The following R3HDM2 variants were observed in gnomAD, a reference collection of about 807,000 sequenced individuals.
The protein encoded by R3HDM2 is R3H domain containing 2.
A neutral mutation model predicts 124.5 loss-of-function variants in R3HDM2; 38 were observed. That is an observed-to-expected ratio of 0.31 (90% CI 0.24 to 0.40). R3HDM2 has a LOEUF of 0.40. Among genes scored for constraint, R3HDM2 ranks in the 10% least tolerant of loss-of-function variants. R3HDM2 has a pLI of 1.00. For synonymous variants in R3HDM2, 391 were observed against 448.0 expected, an observed-to-expected ratio of 0.87 and a Z score of 1.61; for missense variants, 869 against 1,236.9, an observed-to-expected ratio of 0.70 and a Z score of 4.46.
intron 1 of R3HDM2, among the ~76,000 whole-genome samples, chr12:57,397,274 G>C (rs2067641411): frequency 6.6e-6 from 1 of 152,068 alleles, no homozygotes; most frequent in Admixed American, 6.6e-5. Flanking sequence ...ATTATTACAA[G>C]ACCCTGAGGG....
At chr12:57,259,684 C>G (rs941685207) in intron 19 of R3HDM2, among the ~76,000 whole-genome samples, 1 of 152,222 alleles carries the variant, frequency 6.6e-6, no homozygotes, top group Non-Finnish European at 1.5e-5. Flanking sequence ...GGAGATGAGA[C>G]ACGTTTATTT....
rs541038178 is a variant in R3HDM2 at position 57,306,307 on chromosome 12, GTTCT to G, written c.166-3094_166-3091del. On this transcript the variant is annotated intron_variant, in intron 3 of 23. Transcript: ENST00000402412. ...TGTTTGAAGAGAGTTAACACAGGCAGTTCTTTATTTCACAACCACCTTTCTAAAA... is the reference window on the plus strand; with the variant it reads ...TGTTTGAAGAGAGTTAACACAGGCAGTTATTTCACAACCACCTTTCTAAAA... 3.1e-4 allele frequency among the ~76,000 whole-genome samples: 47 copies of G among 152,250 alleles called. No homozygotes were observed. The East Asian group carries it at 8.9e-3, about 29-fold the overall frequency.
Position 57,256,512 on chromosome 12 carries a change from C to T in R3HDM2, c.2450-1G>A. 6.4e-7 allele frequency: 1 copy of T among 1,567,198 alleles called. No homozygotes were observed. The highest frequency in any genetic ancestry group is 8.7e-7 in the Non-Finnish European group (1 of 1,155,744). ...CCCAAAAGGGAGTAGCGCCCATCAC[C>T]TAGGGAGTAAGAGCAATTGGTTTTC... On this transcript the variant is annotated splice_acceptor_variant, in intron 21 of 23. Transcript: ENST00000402412. LOFTEE classifies it high-confidence loss of function.
intron 2 of R3HDM2, among the ~76,000 whole-genome samples, chr12:57,317,432 G>A (rs549654931): frequency 2.6e-5 from 4 of 151,796 alleles, no homozygotes; most frequent in East Asian, 3.9e-4. Context: ...CAATCCACCC[G>A]CCTTGGCCTC....
intron 1 of R3HDM2, among the ~76,000 whole-genome samples, chr12:57,408,348 T>C (rs1205306899): frequency 1.3e-5 from 2 of 152,212 alleles, no homozygotes; most frequent in Non-Finnish European, 2.9e-5. Context: ...ATTATAGGCA[T>C]GAGCCACCGC....
intron 2 of R3HDM2, 68 bp from the exon 3 acceptor site, chr12:57,310,531 AT>A (rs2053682546): frequency 1.3e-5 from 11 of 826,400 alleles, no homozygotes; most frequent in Non-Finnish European, 1.8e-5. Context: ...CAAGACTCGT[AT>A]TTCACACGGG....
In R3HDM2 at chr12:57,296,370, A is replaced by G; in HGVS notation, c.701+41T>C. 1 of 1,548,542 alleles carries G rather than the reference A, an allele frequency of 6.5e-7. No individual in the cohort carries two copies. The highest frequency in any genetic ancestry group is 1.4e-5 in the African/African-American group (1 of 73,086). Reference sequence around the variant, plus strand: ...CCTTCCTCTTCCAACCCAGCAGGTTATCCCAGGGAAGTCTTCCCAAACCAT... The same window carrying G: ...CCTTCCTCTTCCAACCCAGCAGGTTGTCCCAGGGAAGTCTTCCCAAACCAT... On this transcript the variant is annotated intron_variant, in intron 9 of 23. Coordinates refer to ENST00000402412, the MANE Select transcript of R3HDM2 (RefSeq NM_001394031.1). This position sits in a 1 kb window ranked among gnomAD's most constrained non-coding sequence, Gnocchi z 4.5.
At chr12:57,329,358 T>G (rs2057789191) in intron 2 of R3HDM2, among the ~76,000 whole-genome samples, 1 of 152,192 alleles carries the variant, frequency 6.6e-6, no homozygotes, top group African/African-American at 2.4e-5. Context: ...ACTTCGTAGA[T>G]CCACAAGAAT....
chr12:57,254,169 T>G lies in R3HDM2; in HGVS notation c.*604A>C. The G allele has an allele frequency of 2.2e-6, 1 of 456,068 alleles. No individual in the cohort carries two copies. The highest frequency in any genetic ancestry group is 4.4e-6 in the Non-Finnish European group (1 of 226,710). 28.3% of individuals were successfully genotyped at this position (456,068 alleles called of 1,614,324 possible). ...TCTACCTGACCAAAAAATGAGAAAT[T>G]AATTTTATGATAGGAGAAGAGATTT... On this transcript the variant is annotated 3_prime_UTR_variant, in exon 24 of 24. Coordinates refer to ENST00000402412, the MANE Select transcript of R3HDM2 (RefSeq NM_001394031.1).
chr12:57,404,064 A>ATTTTTTTTTTTTTTTTT lies in R3HDM2; in HGVS notation c.-105-8263_-105-8247dup, dbSNP rs767234283. On this transcript the variant is annotated intron_variant, in intron 1 of 23. Transcript: ENST00000402412. ...ATAAAATAAAAAAAGTCCACTCCTA[A>ATTTTTTTTTTTTTTTTT]TTTTTTTTTTTTTTTTTGAGATGGA... Among the ~76,000 whole-genome samples, 109 of 77,020 alleles carry ATTTTTTTTTTTTTTTTT rather than the reference A, an allele frequency of 1.4e-3. 8 individuals are homozygous for ATTTTTTTTTTTTTTTTT. The highest frequency in any genetic ancestry group is 1.8e-3 in the Non-Finnish European group (80 of 43,346). 50.5% of individuals were successfully genotyped at this position (77,020 alleles called of 152,430 possible).
chr12:57,391,320 G>A (rs995660473), intron 2 of R3HDM2, among the ~76,000 whole-genome samples: 11 of 152,238 alleles, frequency 7.2e-5, no homozygotes, highest in Non-Finnish European at 8.8e-5. Context: ...AAGCTAAGTG[G>A]GGCAGGGGTT....
chr12:57,375,451 T>C (rs1374314282), intron 2 of R3HDM2, among the ~76,000 whole-genome samples: 1 of 152,214 alleles, frequency 6.6e-6, no homozygotes, highest in Non-Finnish European at 1.5e-5. Context: ...CTGCCTCACC[T>C]ATTTTTAGAG....
chr12:57,345,141 A>G (rs527798741), intron 2 of R3HDM2, among the ~76,000 whole-genome samples: 1 of 151,068 alleles, frequency 6.6e-6, no homozygotes, highest in South Asian at 2.1e-4. Flanking sequence ...GCCTAAAAAA[A>G]TTTCCTTATT....
At chr12:57,371,083 CTTTTTTTTTTTTTTTTTT>C (rs775839017) in intron 2 of R3HDM2, among the ~76,000 whole-genome samples, 3 of 40,886 alleles carry the variant, frequency 7.3e-5, no homozygotes, top group Non-Finnish European at 8.8e-5. Context: ...TATACCATTA[CTTTTTTTTTTTTTTTTTT>C]TTTTTTTTTT....
At chr12:57,421,626 C>T (rs1485963076) in intron 1 of R3HDM2, among the ~76,000 whole-genome samples, 2 of 151,824 alleles carry the variant, frequency 1.3e-5, no homozygotes, top group African/African-American at 2.4e-5. Context: ...CCCACCTCAG[C>T]CTCCCAAATA....
chr12:57,313,882 GAAA>G (rs869177467), intron 2 of R3HDM2, among the ~76,000 whole-genome samples: 148 of 60,484 alleles, frequency 2.4e-3, no homozygotes, highest in Non-Finnish European at 2.6e-3. Context: ...TCCTGTCTCT[GAAA>G]AAAAAAAAAA....
intron 2 of R3HDM2, among the ~76,000 whole-genome samples, chr12:57,312,589 G>A (rs754514670): frequency 2.0e-5 from 3 of 152,030 alleles, no homozygotes; most frequent in African/African-American, 4.8e-5. Context: ...TATAGTTGAC[G>A]GCCAGGCACA....
At chr12:57,356,289 T>A (rs955141664) in intron 2 of R3HDM2, among the ~76,000 whole-genome samples, 1 of 152,114 alleles carries the variant, frequency 6.6e-6, no homozygotes, top group African/African-American at 2.4e-5. Context: ...TTTTTTTTTT[T>A]AAACCCAGTG....
intron 19 of R3HDM2, among the ~76,000 whole-genome samples, chr12:57,264,218 G>A (rs1362894329): frequency 2.0e-4 from 30 of 149,214 alleles, no homozygotes; most frequent in African/African-American, 7.2e-4. Context: ...CTCCAGCCTG[G>A]GCGACAGAGA....
Sources: allele counts gnomAD v4.1 joint callset (sites outside exome capture counted in the v4.1 genomes callset), GRCh38; gene constraint gnomAD v4.1.1; non-coding constraint Gnocchi (gnomAD v3.1); transcripts MANE v1.5; gene names NCBI Gene and HGNC (gene_info 2026-07-23, HGNC 2026-07-21).